The following SERGEF variants were observed in gnomAD, a reference collection of about 807,000 sequenced individuals.
SERGEF encodes secretion-regulating guanine nucleotide exchange factor.
In SERGEF, 51 loss-of-function variants were observed where a neutral mutation model predicts 50.0. That is an observed-to-expected ratio of 1.02 (90% CI 0.81 to 1.29). The LOEUF is 1.29. SERGEF is among the 50% of genes most tolerant of loss of function. The probability of loss-of-function intolerance (pLI) is 0.00; values close to 1 mark genes in which losing one functional copy is unlikely to be tolerated. For missense variants in SERGEF, 521 were observed against 557.0 expected (o/e 0.94, Z 0.65); for synonymous variants, 205 against 212.4 (o/e 0.97, Z 0.30).
intron 9 of SERGEF, among the ~76,000 whole-genome samples, chr11:17,930,097 G>A (rs1351653558): frequency 6.6e-6 from 1 of 152,218 alleles, no homozygotes; most frequent in Non-Finnish European, 1.5e-5. Flanking sequence ...AACCCCAGCT[G>A]TACCACTCAT....
chr11:17,857,711 G>A (rs1222055159), intron 10 of SERGEF, among the ~76,000 whole-genome samples: 1 of 152,208 alleles, frequency 6.6e-6, no homozygotes, highest in Non-Finnish European at 1.5e-5. Context: ...CTTCCCTTCT[G>A]TCATACTGTG....
intron 9 of SERGEF, among the ~76,000 whole-genome samples, chr11:17,892,677 G>A (rs749476577): frequency 1.5e-4 from 23 of 152,158 alleles, no homozygotes; most frequent in Non-Finnish European, 2.8e-4. Context: ...AGCACTGAGC[G>A]GTTTCCAAGT....
In SERGEF at chr11:18,004,584, G is replaced by A. The variant is rs548620853; in HGVS notation, c.353-49C>T. The A allele has an allele frequency of 5.4e-6, 7 of 1,307,650 alleles. No individual in the cohort carries two copies. In the South Asian group the frequency reaches 8.8e-5, roughly 16 times the overall value. The allele number at this position is 1,307,650 out of a possible 1,614,324, so 81.0% of individuals were successfully genotyped here. A position where few individuals can be genotyped will look rare whatever the true frequency, so the allele number is the denominator to read the frequency against. Reference sequence around the variant, plus strand: ...TGCAAATCTATGAAGTAAGATGTCTGTGACCAATGGGTAAATGCTGCAGGG... The same window carrying A: ...TGCAAATCTATGAAGTAAGATGTCTATGACCAATGGGTAAATGCTGCAGGG... On this transcript the variant is annotated intron_variant, in intron 3 of 10. Coordinates refer to ENST00000265965, the MANE Select transcript of SERGEF (RefSeq NM_012139.4).
intron 8 of SERGEF, among the ~76,000 whole-genome samples, chr11:17,963,301 A>G (rs1853050738): frequency 7.2e-6 from 1 of 138,456 alleles, no homozygotes; most frequent in South Asian, 2.5e-4. Flanking sequence ...GAGAAGTGCC[A>G]TGGCTGGATC....
chr11:17,979,983 C>A (rs940325973), intron 8 of SERGEF, among the ~76,000 whole-genome samples: 4 of 152,122 alleles, frequency 2.6e-5, no homozygotes, highest in Non-Finnish European at 4.4e-5. Context: ...ACCCTACCTG[C>A]GCAGAGACCC....
intron 8 of SERGEF, among the ~76,000 whole-genome samples, chr11:17,976,906 C>T (rs1853388628): frequency 6.6e-6 from 1 of 152,232 alleles, no homozygotes; most frequent in South Asian, 2.1e-4. Context: ...CAAGGCAAGG[C>T]CTTGCAGATA....
At chr11:17,804,840 C>T (rs1019496274) in intron 10 of SERGEF, among the ~76,000 whole-genome samples, 3 of 152,200 alleles carry the variant, frequency 2.0e-5, no homozygotes, top group Admixed American at 2.0e-4. Flanking sequence ...CTGTCTGTAA[C>T]TAAACTTCCA....
At chr11:17,864,391 A>T (rs1440619326) in intron 10 of SERGEF, among the ~76,000 whole-genome samples, 1 of 152,168 alleles carries the variant, frequency 6.6e-6, no homozygotes, top group Non-Finnish European at 1.5e-5. Flanking sequence ...CTTCTTTAGG[A>T]ACAGTGAAAA....
chr11:18,012,526 T>G, intron 1 of SERGEF: 12 of 1,123,396 alleles, frequency 1.1e-5, no homozygotes, highest in Non-Finnish European at 1.3e-5. Context: ...TTCGCCAGGC[T>G]GGGACAGGGT....
At chr11:17,893,040 T>C (rs1194774951) in intron 9 of SERGEF, among the ~76,000 whole-genome samples, 1 of 152,188 alleles carries the variant, frequency 6.6e-6, no homozygotes, top group Non-Finnish European at 1.5e-5. Flanking sequence ...TCAAGTAGTA[T>C]ATGTTCAACA....
At chr11:17,885,983 G>A (rs1273339298) in intron 9 of SERGEF, among the ~76,000 whole-genome samples, 4 of 152,102 alleles carry the variant, frequency 2.6e-5, no homozygotes, top group South Asian at 2.1e-4. Flanking sequence ...GCTTGGACAC[G>A]AGTATGGGGC....
rs1411107817 is a variant in SERGEF, at chr11:17,829,271, C to T, written c.1049-40858G>A. Among the ~76,000 whole-genome samples the T allele has an allele frequency of 4.6e-5, 7 of 152,332 alleles. No homozygotes were observed. The South Asian group carries it at 1.2e-3, about 27-fold the overall frequency. ...CACTAACTTTATAGTCTCTTGCAAA[C>T]TTTATTGTGCATAAAAATTACCAGG... On this transcript the variant is annotated intron_variant, in intron 10 of 10. Coordinates refer to ENST00000265965, the MANE Select transcript of SERGEF (RefSeq NM_012139.4).
At chr11:17,823,683 T>C (rs1376823991) in intron 10 of SERGEF, among the ~76,000 whole-genome samples, 1 of 152,122 alleles carries the variant, frequency 6.6e-6, no homozygotes, top group Non-Finnish European at 1.5e-5. Flanking sequence ...GAGAGCCATC[T>C]CCTCTCATCA....
chr11:17,930,962 C>A (rs139916386), intron 9 of SERGEF, among the ~76,000 whole-genome samples: 3,244 of 152,222 alleles, frequency 0.021, 53 homozygotes, highest in Non-Finnish European at 0.027. Context: ...CTCAATTACA[C>A]TGCAGAAAAA....
At chr11:18,001,931 C>T (rs543118265) in intron 4 of SERGEF, 12 of 453,758 alleles carry the variant, frequency 2.6e-5, no homozygotes, top group Admixed American at 1.2e-4. Context: ...AGGGCAGGAC[C>T]TGAGTCTTAT....
At chr11:17,919,111 C>T (rs763575701) in intron 9 of SERGEF, among the ~76,000 whole-genome samples, 3 of 152,202 alleles carry the variant, frequency 2.0e-5, no homozygotes, top group Non-Finnish European at 2.9e-5. Flanking sequence ...ACAAACATTT[C>T]TGAATTGGTA....
chr11:17,850,673 T>G (rs992649791), intron 10 of SERGEF, among the ~76,000 whole-genome samples: 1 of 152,166 alleles, frequency 6.6e-6, no homozygotes, highest in Non-Finnish European at 1.5e-5. Context: ...CTGAGAAAAA[T>G]CCATTAACCA....
At chr11:17,999,940 T>A (rs1853924129) in intron 5 of SERGEF, among the ~76,000 whole-genome samples, 1 of 152,168 alleles carries the variant, frequency 6.6e-6, no homozygotes, top group Non-Finnish European at 1.5e-5. Context: ...AATAAAGTAA[T>A]CAAATAAATA....
intron 9 of SERGEF, among the ~76,000 whole-genome samples, chr11:17,923,171 C>T (rs796572098): frequency 5.9e-5 from 9 of 152,308 alleles, no homozygotes; most frequent in African/African-American, 1.9e-4. Context: ...AGCTGATTCC[C>T]GTCTATTGGT....
Sources: gnomAD v4.1 joint callset for allele counts (sites outside exome capture counted in the v4.1 genomes callset) on GRCh38, gnomAD v4.1.1 for gene constraint, MANE v1.5 for transcripts, NCBI Gene and HGNC (gene_info 2026-07-23, HGNC 2026-07-21) for gene names.